PHF2: variants seen among roughly 807,000 people sequenced by gnomAD.
PHF2 encodes the protein lysine-specific demethylase PHF2.
A neutral mutation model predicts 120.5 loss-of-function variants in PHF2; 27 were observed. The observed-to-expected ratio is 0.22, with a 90% CI of 0.17 to 0.31. The LOEUF is 0.31. PHF2 is among the 10% of genes least tolerant of loss of function. The pLI is 1.00. For missense variants in PHF2, 1,024 were observed against 1,434.8 expected (o/e 0.71, Z 4.63); for synonymous variants, 568 against 592.5 (o/e 0.96, Z 0.60).
intron 1 of PHF2, among the ~76,000 whole-genome samples, chr9:93,597,879 C>G (rs531021369): frequency 6.6e-5 from 10 of 152,264 alleles, no homozygotes; most frequent in African/African-American, 2.2e-4. Flanking sequence ...TCAGATCTTC[C>G]TTTAATTTCC....
At chr9:93,624,482 ATGGTGATGG>A (rs1322142091) in intron 1 of PHF2, among the ~76,000 whole-genome samples, 3 of 130,676 alleles carry the variant, frequency 2.3e-5, no homozygotes, top group South Asian at 5.1e-4. Context: ...TGTGGCGGTG[ATGGTGATGG>A]TGGTGATGGT....
intron 14 of PHF2, among the ~76,000 whole-genome samples, chr9:93,664,294 G>A (rs905594258): frequency 2.0e-4 from 30 of 152,090 alleles, no homozygotes; most frequent in African/African-American, 7.2e-4. Context: ...TGTTTGGGTG[G>A]TGTGGGCATG....
intron 1 of PHF2, among the ~76,000 whole-genome samples, chr9:93,619,114 C>T (rs1193399888): frequency 6.6e-6 from 1 of 152,012 alleles, no homozygotes; most frequent in African/African-American, 2.4e-5. Flanking sequence ...CTCACTGGCT[C>T]AGGCGGATGT....
At chr9:93,604,205 G>T (rs1284175702) in intron 1 of PHF2, among the ~76,000 whole-genome samples, 1 of 152,188 alleles carries the variant, frequency 6.6e-6, no homozygotes, top group Non-Finnish European at 1.5e-5. Flanking sequence ...TCTGGGCAAG[G>T]GTGGCATAGT....
At position 93,666,064 on chromosome 9, in the gene PHF2, AGCTGCCTTACAG is replaced by A. The variant is rs1484471581; in HGVS notation, c.2187+7_2187+18del. ...GCTGGACTCGGCAGCGTACAAGGTG[AGCTGCCTTACAG>A]GCCCCCCTCAGTCTCGGGGGGCATC... is the stretch of plus-strand genomic sequence containing the variant. On this transcript the variant is annotated splice_donor_5th_base_variant and intron_variant, in intron 16 of 21. Coordinates refer to ENST00000359246, the MANE Select transcript of PHF2 (RefSeq NM_005392.4). The A allele has an allele frequency of 6.8e-6, 11 of 1,611,252 alleles. No individual in the cohort carries two copies. In the African/African-American group the frequency reaches 1.5e-4, roughly 22 times the overall value.
intron 1 of PHF2, among the ~76,000 whole-genome samples, chr9:93,597,381 G>A (rs1488386269): frequency 1.3e-5 from 2 of 152,188 alleles, no homozygotes; most frequent in Non-Finnish European, 2.9e-5. Context: ...AGGCTGAGCT[G>A]CAGAGACCAT....
intron 3 of PHF2, among the ~76,000 whole-genome samples, chr9:93,637,386 T>G (rs540661505): frequency 6.6e-6 from 1 of 152,350 alleles, no homozygotes; most frequent in African/African-American, 2.4e-5. Flanking sequence ...TTCACAGATA[T>G]GTGCACATCA....
At chr9:93,620,224 C>T (rs891653648) in intron 1 of PHF2, among the ~76,000 whole-genome samples, 2 of 152,222 alleles carry the variant, frequency 1.3e-5, no homozygotes, top group Non-Finnish European at 2.9e-5. Flanking sequence ...GAGAGGCCCA[C>T]CTTCTGTCTT....
chr9:93,670,517 GCA>G (rs1263494803), intron 17 of PHF2, among the ~76,000 whole-genome samples: 2 of 152,238 alleles, frequency 1.3e-5, no homozygotes, highest in Non-Finnish European at 2.9e-5. Flanking sequence ...TAGTTCTGGT[GCA>G]CAGACAGGTG....
At chr9:93,611,715 A>G (rs371626420) in intron 1 of PHF2, among the ~76,000 whole-genome samples, 9 of 152,112 alleles carry the variant, frequency 5.9e-5, no homozygotes, top group Non-Finnish European at 1.0e-4. Context: ...GGGTCTTGCA[A>G]TGTTGCCCAT....
intron 7 of PHF2, among the ~76,000 whole-genome samples, 157 bp downstream of exon 7, chr9:93,654,732 T>G (rs541429254): frequency 9.9e-5 from 15 of 152,056 alleles, no homozygotes; most frequent in Admixed American, 8.5e-4. Context: ...GGAAAGGAGG[T>G]TGAAACTGGG....
chr9:93,665,414 G>A (rs1048755707), intron 14 of PHF2, among the ~76,000 whole-genome samples: 1 of 152,230 alleles, frequency 6.6e-6, no homozygotes, highest in Non-Finnish European at 1.5e-5. Context: ...ATGGGGTTGG[G>A]GAGTGTCCCC....
chr9:93,663,232 G>GA (rs1264222173), intron 13 of PHF2, among the ~76,000 whole-genome samples: 1 of 152,132 alleles, frequency 6.6e-6, no homozygotes, highest in Non-Finnish European at 1.5e-5. Context: ...AGTTGGTTGG[G>GA]ATGCAAGAGG....
intron 1 of PHF2, among the ~76,000 whole-genome samples, chr9:93,606,181 G>C (rs1259760190): frequency 6.6e-6 from 1 of 152,000 alleles, no homozygotes; most frequent in Non-Finnish European, 1.5e-5. Flanking sequence ...CATTGCCCAG[G>C]CTGGTCTTGA....
At chr9:93,589,871 T>C (rs1863137002) in intron 1 of PHF2, among the ~76,000 whole-genome samples, 2 of 152,156 alleles carry the variant, frequency 1.3e-5, no homozygotes, top group Admixed American at 6.5e-5. Context: ...AGCAGTGCGC[T>C]GTGAATGTGA....
intron 3 of PHF2, among the ~76,000 whole-genome samples, chr9:93,644,448 C>A (rs1826220389): frequency 6.6e-6 from 1 of 151,764 alleles, no homozygotes; most frequent in South Asian, 2.1e-4. Flanking sequence ...AGAATTCTGG[C>A]GGCTCCCAGT....
intron 1 of PHF2, among the ~76,000 whole-genome samples, chr9:93,594,251 G>A (rs557505589): frequency 6.7e-6 from 1 of 149,772 alleles, no homozygotes; most frequent in African/African-American, 2.5e-5. Context: ...TGCCTGTGTT[G>A]GCCAGAGCTA....
At position 93,676,681 on chromosome 9, in the gene PHF2, G is replaced by A; in HGVS notation, c.2920G>A (p.Ala974Thr). ...TSPSTSTSIS[A>T]GTTSTSTTPA... ...CCCTTCCACCTCCACCTCCATCTCT[G>A]CCGGCACCACCTCCACCTCCACCAC... The change falls in exon 21 of 22, where the codon GCC becomes ACC. Residue 974 changes from alanine to threonine, a missense_variant. Physicochemically the swap from Ala to Thr is moderately conservative, Grantham distance 58. Transcript: ENST00000359246. 1 of 1,578,056 alleles carries A rather than the reference G, an allele frequency of 6.3e-7. No individual in the cohort carries two copies. The highest frequency in any genetic ancestry group is 8.6e-7 in the Non-Finnish European group (1 of 1,162,014).
In PHF2 at chr9:93,663,593, A is replaced by G; in HGVS notation, c.1895A>G (p.Asp632Gly). Residue 632 changes from aspartate to glycine, a missense_variant, in exon 14 of 22, where the codon GAC (aspartate) becomes GGC (glycine). Coordinates refer to ENST00000359246, the MANE Select transcript of PHF2 (RefSeq NM_005392.4). ...AAGTCGCCTCTAGCTGGAAACAAAG[A>G]CAATAAGTTCTCTTTTTCTTTCTCC... ...LEKSPLAGNK[D>G]NKFSFSFSNK... 2 of 1,613,410 alleles carry G rather than the reference A, an allele frequency of 1.2e-6. No individual in the cohort carries two copies. Among genetic ancestry groups the G allele is most frequent in the East Asian group, 2.2e-5 (1 of 44,844 alleles).
Sources: allele counts gnomAD v4.1 joint callset (sites outside exome capture counted in the v4.1 genomes callset), GRCh38; gene constraint gnomAD v4.1.1; transcripts MANE v1.5; gene names NCBI Gene and HGNC (gene_info 2026-07-23, HGNC 2026-07-21).